The following ZNF280D variants were observed in gnomAD, a reference collection of about 807,000 sequenced individuals.
ZNF280D encodes suppressor of hairy wing homolog 4.
Under a neutral mutation model 94.7 loss-of-function variants are expected in ZNF280D, and 39 were observed. The ratio of observed to expected loss-of-function variants is 0.41; its 90% CI spans 0.32 to 0.54. The LOEUF (loss-of-function observed/expected upper bound fraction) is 0.54, where lower values mean the gene tolerates loss of function less well. Ranked by LOEUF, ZNF280D falls within the 20% of genes least tolerant of loss-of-function variation. The pLI is 0.22. For synonymous variants in ZNF280D, 398 were observed against 377.6 expected (o/e 1.05, Z -0.63); for missense variants, 1,090 against 1,149.3 (o/e 0.95, Z 0.75).
intron 3 of ZNF280D, 131 bp downstream of exon 3, chr15:56,706,951 A>C: frequency 2.6e-6 from 2 of 779,574 alleles, no homozygotes; most frequent in Non-Finnish European, 4.3e-6. Context: ...TTTTATGTGA[A>C]CATTTGTTAC....
intron 17 of ZNF280D, among the ~76,000 whole-genome samples, chr15:56,657,606 A>G (rs897145494): frequency 1.3e-5 from 2 of 152,168 alleles, no homozygotes; most frequent in Non-Finnish European, 2.9e-5. Context: ...AGTAGCAATC[A>G]TTTATATTTT....
chr15:56,727,231 A>AGGCTGAGGTG (rs57892265), intron 1 of ZNF280D, among the ~76,000 whole-genome samples: 4,568 of 151,494 alleles, frequency 0.03, 225 homozygotes, highest in African/African-American at 0.1. Flanking sequence ...GCACTTTGGG[A>AGGCTGAGGTG]GGTGGGTCAC....
At chr15:56,704,358 T>G (rs780664770) in intron 3 of ZNF280D, 91 bp from the exon 4 acceptor site, 17 of 1,243,460 alleles carry the variant, frequency 1.4e-5, no homozygotes, top group Non-Finnish European at 1.8e-5. Flanking sequence ...TAAGGTGTAC[T>G]TTAATAATCT....
intron 20 of ZNF280D, among the ~76,000 whole-genome samples, chr15:56,641,921 T>C (rs1254976657): frequency 6.6e-6 from 1 of 151,766 alleles, no homozygotes; most frequent in Non-Finnish European, 1.5e-5. Context: ...AAAACTGTAA[T>C]ACTGCATTCT....
At chr15:56,652,874 C>T (rs1375252489) in intron 19 of ZNF280D, 3 of 983,988 alleles carry the variant, frequency 3.0e-6, no homozygotes, top group Non-Finnish European at 3.6e-6. Context: ...GGCAGCTACA[C>T]AAAATCTGTA....
chr15:56,651,063 T>C (rs1178119288), intron 19 of ZNF280D, among the ~76,000 whole-genome samples: 4 of 152,188 alleles, frequency 2.6e-5, no homozygotes, highest in African/African-American at 9.7e-5. Flanking sequence ...TAATGTAAGT[T>C]CCATAAGAGC....
intron 4 of ZNF280D, among the ~76,000 whole-genome samples, chr15:56,702,640 A>G (rs1307016800): frequency 1.3e-5 from 2 of 152,164 alleles, no homozygotes; most frequent in Non-Finnish European, 2.9e-5. Flanking sequence ...TAAAACAATA[A>G]CCAATAGAAT....
chr15:56,672,625 T>C (rs1225367886), intron 13 of ZNF280D, among the ~76,000 whole-genome samples: 1 of 152,050 alleles, frequency 6.6e-6, no homozygotes, highest in African/African-American at 2.4e-5. Flanking sequence ...TCAAGGATAT[T>C]GGCCTGAAGT....
At chr15:56,682,198 A>G (rs1323440652) in intron 10 of ZNF280D, 56 bp downstream of exon 10, 3 of 1,279,412 alleles carry the variant, frequency 2.3e-6, no homozygotes, top group Non-Finnish European at 3.3e-6. Flanking sequence ...AAAGTATAAC[A>G]TTTTTATTTG....
intron 1 of ZNF280D, among the ~76,000 whole-genome samples, chr15:56,712,052 A>T (rs201810896): frequency 6.6e-6 from 1 of 152,206 alleles, no homozygotes; most frequent in East Asian, 1.9e-4. Flanking sequence ...CTTGACCTAA[A>T]CATCATTATG....
intron 7 of ZNF280D, among the ~76,000 whole-genome samples, chr15:56,692,792 G>C (rs2056501182): frequency 6.6e-6 from 1 of 152,020 alleles, no homozygotes; most frequent in African/African-American, 2.4e-5. Context: ...GAGTATTCAG[G>C]CTACCTGAGA....
intron 20 of ZNF280D, among the ~76,000 whole-genome samples, chr15:56,639,568 A>G (rs2170463): frequency 0.53 from 80,124 of 151,958 alleles, 21,740 homozygotes; most frequent in East Asian, 0.62. Flanking sequence ...AAAGTAACCT[A>G]AATACCAAGA....
intron 16 of ZNF280D, among the ~76,000 whole-genome samples, chr15:56,666,011 C>T (rs185677768): frequency 1.3e-5 from 2 of 152,150 alleles, no homozygotes; most frequent in Admixed American, 1.3e-4. Context: ...TGGCTCACAC[C>T]TGTTGTCCCA....
intron 13 of ZNF280D, among the ~76,000 whole-genome samples, chr15:56,673,964 T>A (rs2055045797): frequency 6.6e-6 from 1 of 152,020 alleles, no homozygotes; most frequent in Admixed American, 6.6e-5. Context: ...TCTCCCACAG[T>A]ACTTATTGCC....
At chr15:56,719,223 G>A (rs1484354944) in intron 1 of ZNF280D, among the ~76,000 whole-genome samples, 3 of 152,130 alleles carry the variant, frequency 2.0e-5, no homozygotes, top group Non-Finnish European at 4.4e-5. Context: ...GTAGGGTAAT[G>A]AGAGGTGTTT....
intron 1 of ZNF280D, among the ~76,000 whole-genome samples, chr15:56,724,577 A>G (rs546558067): frequency 6.6e-6 from 1 of 152,316 alleles, no homozygotes; most frequent in African/African-American, 2.4e-5. Flanking sequence ...ATGAATACAC[A>G]ATATCTGGCA....
At chr15:56,645,429 G>A (rs2052832502) in intron 19 of ZNF280D, 1 of 152,156 alleles carries the variant, frequency 6.6e-6, no homozygotes, top group South Asian at 2.1e-4. Flanking sequence ...TCCCCTCTAT[G>A]AAAATCTGCT....
chr15:56,676,747 T>C lies in ZNF280D; in HGVS notation c.1333A>G (p.Lys445Glu), dbSNP rs1240564005. Residue 445 changes from lysine to glutamate, a missense_variant, in exon 13 of 22, where the codon AAG becomes GAG. Physicochemically the swap from Lys to Glu is moderately conservative, Grantham distance 56. Coordinates refer to ENST00000267807, the MANE Select transcript of ZNF280D (RefSeq NM_017661.4). Reference sequence around the variant, plus strand: ...AGGCAAAACGGGCATAGCAAGTTCTTAGTGTTTTCATGGGATGTTCTAAAA... The same window carrying C: ...AGGCAAAACGGGCATAGCAAGTTCTCAGTGTTTTCATGGGATGTTCTAAAA... ...THFRTSHENT[K>E]NLLCPFCLKV... The C allele has an allele frequency of 6.2e-7, 1 of 1,612,016 alleles. No homozygotes were observed. The highest frequency in any genetic ancestry group is 8.5e-7 in the Non-Finnish European group (1 of 1,178,594).
At chr15:56,660,192 C>T (rs562284553) in intron 16 of ZNF280D, among the ~76,000 whole-genome samples, 1 of 152,114 alleles carries the variant, frequency 6.6e-6, no homozygotes, top group East Asian at 1.9e-4. Context: ...AGAAATAAGT[C>T]CAAGATTTTG....
Sources: gnomAD v4.1 joint callset for allele counts (sites outside exome capture counted in the v4.1 genomes callset) on GRCh38, gnomAD v4.1.1 for gene constraint, MANE v1.5 for transcripts, NCBI Gene and HGNC (gene_info 2026-07-23, HGNC 2026-07-21) for gene names.